The following TMEM132C variants were observed in gnomAD, a reference collection of about 807,000 sequenced individuals.
TMEM132C encodes the protein protein phosphatase 1, regulatory subunit 152.
In TMEM132C, 29 loss-of-function variants were observed where a neutral mutation model predicts 61.4. The ratio of observed to expected loss-of-function variants is 0.47; its 90% CI spans 0.35 to 0.64. The LOEUF (loss-of-function observed/expected upper bound fraction) is 0.64, where lower values mean the gene tolerates loss of function less well. TMEM132C is among the 30% of genes least tolerant of loss of function. TMEM132C has a pLI of 0.00. For missense variants in TMEM132C, 1,408 were observed against 1,476.9 expected (o/e 0.95, Z 0.76); for synonymous variants, 656 against 633.1 (o/e 1.04, Z -0.54).
intron 2 of TMEM132C, among the ~76,000 whole-genome samples, chr12:128,455,070 A>G (rs899031677): frequency 1.3e-5 from 2 of 152,236 alleles, no homozygotes; most frequent in East Asian, 1.9e-4. Context: ...AGTTGAGGCC[A>G]TATAACTAAG....
chr12:128,543,898 C>T (rs1038411211), intron 2 of TMEM132C, 59 bp from the exon 3 acceptor site: 13 of 1,512,874 alleles, frequency 8.6e-6, no homozygotes, highest in Admixed American at 4.9e-5. Flanking sequence ...GAGCTGGGCA[C>T]GTTGGAAAGG....
intron 2 of TMEM132C, among the ~76,000 whole-genome samples, chr12:128,427,365 T>C (rs1869221371): frequency 6.6e-6 from 1 of 151,234 alleles, no homozygotes; most frequent in South Asian, 2.1e-4. Flanking sequence ...TTATTAGTCC[T>C]TTTAGTTTCT....
chr12:128,442,298 A>G (rs1444086991), intron 2 of TMEM132C, among the ~76,000 whole-genome samples: 1 of 152,204 alleles, frequency 6.6e-6, no homozygotes, highest in East Asian at 1.9e-4. Context: ...CTAGAGTTGA[A>G]TGAGACAGAT....
chr12:128,633,176 G>A (rs528807257), intron 4 of TMEM132C, among the ~76,000 whole-genome samples: 7 of 152,274 alleles, frequency 4.6e-5, no homozygotes, highest in East Asian at 3.9e-4. Flanking sequence ...CAAGCAGGCC[G>A]CATAGTGGCC....
At chr12:128,513,818 A>G (rs771002936) in intron 2 of TMEM132C, among the ~76,000 whole-genome samples, 9 of 152,190 alleles carry the variant, frequency 5.9e-5, no homozygotes, top group Non-Finnish European at 1.0e-4. Context: ...CACATGCACG[A>G]TCAGCAGGGT....
At chr12:128,452,976 C>T (rs1396111555) in intron 2 of TMEM132C, among the ~76,000 whole-genome samples, 1 of 152,122 alleles carries the variant, frequency 6.6e-6, no homozygotes, top group Admixed American at 6.5e-5. Context: ...ATTATGTAAA[C>T]TACAGAAATG....
At chr12:128,654,682 G>A (rs564411619) in intron 4 of TMEM132C, among the ~76,000 whole-genome samples, 3 of 152,276 alleles carry the variant, frequency 2.0e-5, no homozygotes, top group South Asian at 4.1e-4. Context: ...AGCGCCACAC[G>A]CACCCTGCTG....
chr12:128,409,740 G>A (rs993683063), intron 1 of TMEM132C, among the ~76,000 whole-genome samples: 6 of 152,076 alleles, frequency 3.9e-5, no homozygotes, highest in Admixed American at 1.3e-4. Flanking sequence ...ATCGCCACTC[G>A]GTGTGCTGAA....
Position 128,705,428 on chromosome 12 carries a change from C to T in TMEM132C, c.2460C>T (p.His820=), listed in dbSNP as rs561705907. The change falls in exon 9 of 9, where the codon CAC becomes CAT. Residue 820 remains histidine (H), a synonymous_variant. Coordinates refer to ENST00000435159, the MANE Select transcript of TMEM132C (RefSeq NM_001136103.3). Reference sequence around the variant, plus strand: ...ATGAGGAAGATGAGATCAAGAACCACGCCAGCGACCGCCGGCAGAAGGGCC... The same window carrying T: ...ATGAGGAAGATGAGATCAAGAACCATGCCAGCGACCGCCGGCAGAAGGGCC... ...GDYEEDEIKN[H]ASDRRQKGQH... is the part of the protein sequence containing the mutation. 2.5e-5 allele frequency: 38 copies of T among 1,550,890 alleles called. 1 individual carries two copies. Among genetic ancestry groups the T allele is most frequent in the African/African-American group, 1.9e-4 (14 of 73,152 alleles).
At chr12:128,338,355 G>A (rs1709706) in intron 1 of TMEM132C, among the ~76,000 whole-genome samples, 1 of 152,170 alleles carries the variant, frequency 6.6e-6, no homozygotes, top group Admixed American at 6.5e-5. Context: ...AATCAATTGC[G>A]AGTGCTGTCA....
At chr12:128,520,105 A>G (rs1872848861) in intron 2 of TMEM132C, among the ~76,000 whole-genome samples, 1 of 152,144 alleles carries the variant, frequency 6.6e-6, no homozygotes, top group African/African-American at 2.4e-5. Context: ...GCCAACTTTA[A>G]AGTGACTTGC....
chr12:128,699,897 C>T (rs1031103375), intron 8 of TMEM132C, among the ~76,000 whole-genome samples: 5 of 152,196 alleles, frequency 3.3e-5, no homozygotes. Flanking sequence ...GCCCACAGCA[C>T]TGGCTTCTTC....
At chr12:128,386,361 G>A in intron 1 of TMEM132C, among the ~76,000 whole-genome samples, 1 of 152,154 alleles carries the variant, frequency 6.6e-6, no homozygotes, top group East Asian at 1.9e-4. Flanking sequence ...GAACCACAGG[G>A]GAGACACCCT....
chr12:128,267,428 G>T lies in TMEM132C; in HGVS notation c.26G>T (p.Gly9Val), dbSNP rs1321084991. The T allele has an allele frequency of 3.2e-6, 4 of 1,242,786 alleles. No individual in the cohort carries two copies. The East Asian group carries it at 1.3e-4, about 41-fold the overall frequency. The allele number at this position is 1,242,786 out of a possible 1,614,324, so 77.0% of individuals were successfully genotyped here. A position where few individuals can be genotyped will look rare whatever the true frequency, so the allele number is the denominator to read the frequency against. Reference protein sequence around the residue: MRSEGAAPGPAAPLCGALS... With the variant: MRSEGAAPVPAAPLCGALS... ...ATGCGCTCCGAGGGTGCGGCCCCCGGGCCGGCGGCGCCGCTGTGCGGGGCG... is the reference window on the plus strand; with the variant it reads ...ATGCGCTCCGAGGGTGCGGCCCCCGTGCCGGCGGCGCCGCTGTGCGGGGCG... The change falls in exon 1 of 9, where the codon GGG (glycine) becomes GTG (valine). Residue 9 changes from glycine to valine, a missense_variant. Gly to Val is a moderately radical substitution (Grantham distance 109). Coordinates refer to ENST00000435159, the MANE Select transcript of TMEM132C (RefSeq NM_001136103.3).
intron 1 of TMEM132C, among the ~76,000 whole-genome samples, chr12:128,377,745 C>A (rs1874243545): frequency 6.6e-6 from 1 of 152,344 alleles, no homozygotes; most frequent in South Asian, 2.1e-4. Flanking sequence ...CCCAGCTCCT[C>A]ATTGTTAGGT....
At chr12:128,412,079 A>G (rs1868573994) in intron 1 of TMEM132C, among the ~76,000 whole-genome samples, 1 of 152,254 alleles carries the variant, frequency 6.6e-6, no homozygotes, top group Admixed American at 6.5e-5. Context: ...CTCAGGATTT[A>G]TAGCCAAAAT....
chr12:128,532,219 G>A (rs1873337867), intron 2 of TMEM132C, among the ~76,000 whole-genome samples: 1 of 152,070 alleles, frequency 6.6e-6, no homozygotes, highest in African/African-American at 2.4e-5. Flanking sequence ...TGTATTTAGG[G>A]GAAAAGTTTG....
At chr12:128,634,608 T>C (rs1954087323) in intron 4 of TMEM132C, among the ~76,000 whole-genome samples, 1 of 152,232 alleles carries the variant, frequency 6.6e-6, no homozygotes, top group Admixed American at 6.5e-5. Flanking sequence ...GCTATGTGAG[T>C]GACACCTCCT....
At chr12:128,573,622 AAAG>A (rs1874981034) in intron 3 of TMEM132C, among the ~76,000 whole-genome samples, 1 of 151,648 alleles carries the variant, frequency 6.6e-6, no homozygotes, top group Admixed American at 6.6e-5. Context: ...AAATTTTAAA[AAAG>A]ATTAAAAAAA....
Sources: allele counts gnomAD v4.1 joint callset (sites outside exome capture counted in the v4.1 genomes callset), GRCh38; gene constraint gnomAD v4.1.1; transcripts MANE v1.5; gene names NCBI Gene and HGNC (gene_info 2026-07-23, HGNC 2026-07-21).